FBXL5: variants seen among roughly 807,000 people sequenced by gnomAD.
The protein encoded by FBXL5 is F-box/LRR-repeat protein 5.
A neutral mutation model predicts 78.3 loss-of-function variants in FBXL5; 26 were observed. That is an observed-to-expected ratio of 0.33 (90% confidence interval 0.24 to 0.46). FBXL5 has a LOEUF of 0.46. FBXL5 is among the 20% of genes least tolerant of loss of function. The probability of loss-of-function intolerance (pLI) is 1.00; values close to 1 mark genes in which losing one functional copy is unlikely to be tolerated. For synonymous variants in FBXL5, 295 were observed against 282.5 expected (o/e 1.04, Z -0.45); for missense variants, 710 against 829.2 (o/e 0.86, Z 1.77).
At chr4:15,634,492 G>A (rs1024051839) in intron 5 of FBXL5, among the ~76,000 whole-genome samples, 2 of 151,660 alleles carry the variant, frequency 1.3e-5, no homozygotes, top group South Asian at 2.1e-4. Context: ...TCAGCCTCCC[G>A]AGTAGCTGGG....
chr4:15,665,391 C>T (rs1717497998), intron 1 of FBXL5, among the ~76,000 whole-genome samples: 1 of 152,158 alleles, frequency 6.6e-6, no homozygotes, highest in Non-Finnish European at 1.5e-5. Flanking sequence ...TTCTCTCCAA[C>T]AACGGCTTAT....
At position 15,644,515 on chromosome 4, in the gene FBXL5, T is replaced by A. The variant is rs1715183619; in HGVS notation, c.278A>T (p.Glu93Val). The change falls in exon 2 of 11, where the codon GAA becomes GTA. Residue 93 changes from glutamate to valine, a missense_variant. Glu to Val is a moderately radical substitution (Grantham distance 121, BLOSUM62 -2). Around this residue, in one of 4 missense-constraint regions of FBXL5, gnomAD observed 132 missense variants for 156.9 expected, o/e 0.84. Coordinates refer to ENST00000341285, the MANE Select transcript of FBXL5 (RefSeq NM_012161.4). ...TACCTTAACATTCTTCAGTCCCTTT[T>A]CAAAGAGGCTAAGCATCTCGGAGAG... The part of the protein sequence containing the change: ...NKLSEMLSLF[E>V]KGLKNVKNEY... 1 of 1,611,952 alleles carries A rather than the reference T, an allele frequency of 6.2e-7. No homozygotes were observed. The highest frequency in any genetic ancestry group is 8.5e-7 in the Non-Finnish European group (1 of 1,178,210).
At chr4:15,621,404 T>C (rs1224059772) in intron 9 of FBXL5, among the ~76,000 whole-genome samples, 1 of 152,176 alleles carries the variant, frequency 6.6e-6, no homozygotes, top group Non-Finnish European at 1.5e-5. Context: ...CAAGGACTTG[T>C]ACACTGAATT....
At chr4:15,634,094 T>C (rs1560226058) in intron 5 of FBXL5, among the ~76,000 whole-genome samples, 1 of 152,140 alleles carries the variant, frequency 6.6e-6, no homozygotes, top group Non-Finnish European at 1.5e-5. Context: ...CCTCCAGATA[T>C]TTCAAATATC....
intron 1 of FBXL5, among the ~76,000 whole-genome samples, chr4:15,676,822 TTC>T (rs1028899600): frequency 6.6e-5 from 10 of 152,194 alleles, no homozygotes; most frequent in Admixed American, 2.0e-4. Flanking sequence ...TGATTTTCAG[TTC>T]TGTTAAGTAC....
intron 5 of FBXL5, among the ~76,000 whole-genome samples, chr4:15,632,816 G>A (rs1048850943): frequency 2.0e-5 from 3 of 152,088 alleles, no homozygotes; most frequent in Non-Finnish European, 2.9e-5. Context: ...CTGAGATGAT[G>A]GGGTTTTCCA....
intron 1 of FBXL5, among the ~76,000 whole-genome samples, chr4:15,676,467 A>C (rs911179194): frequency 7.2e-5 from 11 of 152,220 alleles, no homozygotes; most frequent in African/African-American, 2.7e-4. Flanking sequence ...AGACTCTGTT[A>C]TATATTAAGA....
At chr4:15,645,763 A>G (rs1333842727) in intron 1 of FBXL5, among the ~76,000 whole-genome samples, 1 of 152,186 alleles carries the variant, frequency 6.6e-6, no homozygotes, top group African/African-American at 2.4e-5. Flanking sequence ...TTGATGTTAA[A>G]TGGATATAAT....
At chr4:15,626,785 A>G (rs943708451) in intron 8 of FBXL5, 88 bp downstream of exon 8, 18 of 955,826 alleles carry the variant, frequency 1.9e-5, no homozygotes, top group Non-Finnish European at 2.8e-5. Flanking sequence ...TGATAGTAAA[A>G]AATAATAGTA....
intron 1 of FBXL5, among the ~76,000 whole-genome samples, chr4:15,674,816 A>T (rs1048161596): frequency 6.6e-6 from 1 of 152,006 alleles, no homozygotes; most frequent in African/African-American, 2.4e-5. Flanking sequence ...TGCCTGGCTA[A>T]TTTTTTGTGT....
At chr4:15,635,030 A>G (rs575125997) in intron 5 of FBXL5, among the ~76,000 whole-genome samples, 101 of 152,240 alleles carry the variant, frequency 6.6e-4, no homozygotes, top group African/African-American at 2.3e-3. Context: ...CTAACAGCTT[A>G]TTTTAAAAGT....
intron 9 of FBXL5, among the ~76,000 whole-genome samples, chr4:15,613,285 C>A (rs1577421913): frequency 6.6e-6 from 1 of 152,028 alleles, no homozygotes; most frequent in Non-Finnish European, 1.5e-5. Context: ...GTTGAACAAC[C>A]CTGTAAATAT....
chr4:15,664,531 A>AC (rs913912933), upstream of FBXL5, among the ~76,000 whole-genome samples: 1 of 116,720 alleles, frequency 8.6e-6, no homozygotes, highest in Non-Finnish European at 1.8e-5. Flanking sequence ...TTTTTCCCCC[A>AC]CCAAAGTGGG....
At chr4:15,613,848 T>G (rs1019515043) in intron 9 of FBXL5, among the ~76,000 whole-genome samples, 1 of 151,776 alleles carries the variant, frequency 6.6e-6, no homozygotes, top group African/African-American at 2.4e-5. Context: ...AACTTTTGTT[T>G]TTTTTTTTAT....
intron 9 of FBXL5, among the ~76,000 whole-genome samples, chr4:15,616,425 G>C (rs1711884161): frequency 6.6e-6 from 1 of 152,020 alleles, no homozygotes; most frequent in African/African-American, 2.4e-5. Context: ...GGCAACTGGT[G>C]AGCAGGGCTA....
At chr4:15,648,283 T>C (rs1577475830) in intron 1 of FBXL5, among the ~76,000 whole-genome samples, 1 of 152,178 alleles carries the variant, frequency 6.6e-6, no homozygotes, top group South Asian at 2.1e-4. Context: ...AAAATATCAT[T>C]AGAAAGGAAT....
intron 2 of FBXL5, among the ~76,000 whole-genome samples, chr4:15,642,190 A>C (rs1398922009): frequency 1.3e-5 from 2 of 151,510 alleles, no homozygotes; most frequent in African/African-American, 4.9e-5. Flanking sequence ...ACATTTCCCC[A>C]CTTCTATATC....
intron 9 of FBXL5, among the ~76,000 whole-genome samples, chr4:15,623,826 G>T (rs6833704): frequency 0.011 from 1,650 of 147,208 alleles, 13 homozygotes; most frequent in Non-Finnish European, 0.018. Context: ...TTTTACAATA[G>T]TTTTTTTTTT....
chr4:15,629,148 T>C (rs1713372680), intron 6 of FBXL5, among the ~76,000 whole-genome samples: 1 of 152,112 alleles, frequency 6.6e-6, no homozygotes, highest in South Asian at 2.1e-4. Flanking sequence ...AATGACAGTT[T>C]AGTCTTTAAT....
Sources: gnomAD v4.1 joint callset for allele counts (sites outside exome capture counted in the v4.1 genomes callset) on GRCh38, gnomAD v4.1.1 for gene constraint, gnomAD v4.1.1 regional missense constraint, MANE v1.5 for transcripts, NCBI Gene and HGNC (gene_info 2026-07-23, HGNC 2026-07-21) for gene names.